GIGYF2: variants seen among roughly 807,000 people sequenced by gnomAD.
GIGYF2 encodes GRB10-interacting GYF protein 2.
In GIGYF2, 25 loss-of-function variants were observed where a neutral mutation model predicts 208.1. That is an observed-to-expected ratio of 0.12 (90% CI 0.09 to 0.17). GIGYF2 has a LOEUF of 0.17. GIGYF2 is among the 10% of genes least tolerant of loss of function. The pLI, the probability that GIGYF2 is intolerant of heterozygous loss-of-function variation, is 1.00. For missense variants in GIGYF2, 1,302 were observed against 1,579.4 expected (o/e 0.82, Z 2.98); for synonymous variants, 534 against 543.8 (o/e 0.98, Z 0.25).
intron 8 of GIGYF2, chr2:232,770,886 A>C (rs1699217982): frequency 6.3e-7 from 1 of 1,589,678 alleles, no homozygotes; most frequent in Non-Finnish European, 8.6e-7. Flanking sequence ...TTTTTTTAAG[A>C]ACAAAGACAA....
chr2:232,735,330 T>C, intron 3 of GIGYF2, 92 bp downstream of exon 3: 1 of 913,032 alleles, frequency 1.1e-6, no homozygotes, highest in Non-Finnish European at 1.8e-6. Flanking sequence ...TAAATGTGCA[T>C]GTTTTTGAAA....
At chr2:232,774,067 A>G (rs1265064769) in intron 8 of GIGYF2, among the ~76,000 whole-genome samples, 1 of 151,748 alleles carries the variant, frequency 6.6e-6, no homozygotes, top group African/African-American at 2.4e-5. Flanking sequence ...GGATTGCTTG[A>G]GGTCGGGAAT....
chr2:232,760,725 A>G, intron 7 of GIGYF2, 134 bp downstream of exon 7: 1 of 649,024 alleles, frequency 1.5e-6, no homozygotes, highest in South Asian at 1.7e-5. Context: ...ATTGAACATC[A>G]AGTTGTACAT....
intron 23 of GIGYF2, among the ~76,000 whole-genome samples, chr2:232,840,980 A>G (rs1453568591): frequency 6.6e-6 from 1 of 151,934 alleles, no homozygotes; most frequent in Non-Finnish European, 1.5e-5. Context: ...AATTGTCTAT[A>G]TGTGTTTACC....
intron 28 of GIGYF2, among the ~76,000 whole-genome samples, chr2:232,855,383 T>C (rs779434166): frequency 6.6e-6 from 1 of 152,220 alleles, no homozygotes; most frequent in African/African-American, 2.4e-5. Flanking sequence ...CAGCTGTCAG[T>C]TGTGTTTGTG....
intron 27 of GIGYF2, 39 bp from the exon 28 acceptor site, chr2:232,850,223 A>G: frequency 6.3e-7 from 1 of 1,588,302 alleles, no homozygotes; most frequent in East Asian, 2.2e-5. Flanking sequence ...CCAAGTCTGA[A>G]TCTGCTGTGT....
At chr2:232,736,957 A>G (rs575425485) in intron 3 of GIGYF2, among the ~76,000 whole-genome samples, 18 of 152,390 alleles carry the variant, frequency 1.2e-4, no homozygotes, top group Admixed American at 2.6e-4. Context: ...TTTAGAATCA[A>G]TACACATTTA....
intron 25 of GIGYF2, among the ~76,000 whole-genome samples, chr2:232,845,137 G>A (rs1239410856): frequency 6.6e-6 from 1 of 152,116 alleles, no homozygotes; most frequent in Admixed American, 6.5e-5. Flanking sequence ...GAACCTCTTT[G>A]GGCCTCAGTT....
intron 21 of GIGYF2, among the ~76,000 whole-genome samples, chr2:232,826,312 CCCA>C (rs1268319686): frequency 6.6e-6 from 1 of 152,210 alleles, no homozygotes; most frequent in Non-Finnish European, 1.5e-5. Context: ...AATTTACACT[CCCA>C]CCAACAGTGT....
At chr2:232,836,295 T>C (rs12988271) in intron 22 of GIGYF2, among the ~76,000 whole-genome samples, 1,036 of 31,668 alleles carry the variant, frequency 0.033, 146 homozygotes, top group African/African-American at 0.096. Context: ...TATATATATA[T>C]ATATATATAT....
chr2:232,827,576 A>G lies in GIGYF2; in HGVS notation c.2530-5281A>G, dbSNP rs79970749. On this transcript the variant is annotated intron_variant, in intron 21 of 28. Coordinates refer to ENST00000373563, the MANE Select transcript of GIGYF2 (RefSeq NM_001103146.3). ...TTCTTTTTATGCTTGGTTGGTAGCA[A>G]TAGTCCTCATTTTATTCTGCATATT... is the stretch of plus-strand genomic sequence containing the variant. 2.9e-3 allele frequency among the ~76,000 whole-genome samples: 442 copies of G among 152,350 alleles called. 4 individuals carry two copies. The highest frequency in any genetic ancestry group is 0.01 in the African/African-American group (417 of 41,574).
intron 3 of GIGYF2, among the ~76,000 whole-genome samples, chr2:232,742,067 G>A (rs1267050305): frequency 6.6e-6 from 1 of 152,152 alleles, no homozygotes; most frequent in Non-Finnish European, 1.5e-5. Flanking sequence ...AAAAGATTAG[G>A]AAGAATATTC....
In GIGYF2 at chr2:232,741,631, A is replaced by G. The variant is rs112910315; in HGVS notation, c.42-5984A>G. Among the ~76,000 whole-genome samples, 874 of 151,994 alleles carry G rather than the reference A, an allele frequency of 5.8e-3. 3 individuals carry two copies. Among genetic ancestry groups the G allele is most frequent in the African/African-American group, 0.02 (833 of 41,440 alleles). The stretch of plus-strand genomic sequence containing the variant: ...CTAATACTTGTATTTTTTAGTAGAG[A>G]TGGAGCTTTACCATATTGGCCAGGC... On this transcript the variant is annotated intron_variant, in intron 3 of 28. Coordinates refer to ENST00000373563, the MANE Select transcript of GIGYF2 (RefSeq NM_001103146.3).
intron 3 of GIGYF2, chr2:232,735,995 C>G (rs2106297445): frequency 1.0e-6 from 1 of 982,294 alleles, no homozygotes; most frequent in African/African-American, 1.7e-5. Flanking sequence ...GTCTTAAACT[C>G]TTGGTTGTTC....
At chr2:232,843,731 C>G (rs189796834) in intron 23 of GIGYF2, among the ~76,000 whole-genome samples, 1 of 150,772 alleles carries the variant, frequency 6.6e-6, no homozygotes, top group East Asian at 2.0e-4. Context: ...AAAAATTAAC[C>G]GGGCATTGTG....
chr2:232,745,331 G>GA (rs1358933686), intron 3 of GIGYF2, among the ~76,000 whole-genome samples: 2 of 152,036 alleles, frequency 1.3e-5, no homozygotes, highest in Non-Finnish European at 2.9e-5. Context: ...TCTGAGGCAA[G>GA]AAAAATACAA....
chr2:232,798,036 A>T (rs1377357707), intron 14 of GIGYF2, among the ~76,000 whole-genome samples: 1 of 150,190 alleles, frequency 6.7e-6, no homozygotes, highest in Non-Finnish European at 1.5e-5. Context: ...CTCCACAGAG[A>T]TTCTTCAGGT....
intron 9 of GIGYF2, 61 bp downstream of exon 9, chr2:232,787,390 T>C: frequency 7.2e-7 from 1 of 1,389,892 alleles, no homozygotes; most frequent in Non-Finnish European, 1.0e-6. Flanking sequence ...TTGATGGAAA[T>C]AGGGATTAAA....
intron 28 of GIGYF2, among the ~76,000 whole-genome samples, chr2:232,855,682 C>T (rs975308957): frequency 6.6e-6 from 1 of 152,022 alleles, no homozygotes; most frequent in Non-Finnish European, 1.5e-5. Flanking sequence ...AGAAGTATTC[C>T]CATTAAAGTG....
Sources: gnomAD v4.1 joint callset for allele counts (sites outside exome capture counted in the v4.1 genomes callset) on GRCh38, gnomAD v4.1.1 for gene constraint, MANE v1.5 for transcripts, NCBI Gene and HGNC (gene_info 2026-07-23, HGNC 2026-07-21) for gene names.